The following MUC12 variants were observed in gnomAD, a reference collection of about 807,000 sequenced individuals.
MUC12 encodes the protein mucin-12.
A neutral mutation model predicts 230.8 loss-of-function variants in MUC12; 172 were observed. That is an observed-to-expected ratio of 0.75 (90% CI 0.66 to 0.85). MUC12 has a LOEUF of 0.85. MUC12 is among the 40% of genes least tolerant of loss of function. MUC12 has a pLI of 0.00. For synonymous variants in MUC12, 1,259 were observed against 2,401.9 expected (o/e 0.52, Z 13.91); for missense variants, 3,506 against 5,920.6 (o/e 0.59, Z 13.38).
At chr7:100,981,257 C>T (rs1309277798) in intron 1 of MUC12, 4 of 418,114 alleles carry the variant, frequency 9.6e-6, no homozygotes, top group Non-Finnish European at 1.7e-5. Context: ...TGGAGAAGGA[C>T]CGCCGCACTT....
At chr7:101,014,208 C>A in intron 9 of MUC12, 134 bp downstream of exon 9, 1 of 998,420 alleles carries the variant, frequency 1.0e-6, no homozygotes. Flanking sequence ...AGATGGGGTG[C>A]CCAGACCCTC....
chr7:101,004,869 T>G lies in MUC12; in HGVS notation c.14306T>G (p.Leu4769Trp). ...SSSISGEPTS[L>W]YSQAESTHTT... ...AGCATCAGTGGAGAACCCACCAGCT[T>G]GTATAGCCAAGCAGAGTCAACACAC... The change falls in exon 2 of 12, where the codon TTG becomes TGG. Residue 4769 changes from leucine (L) to tryptophan (W), a missense_variant. Transcript: ENST00000536621. 3 of 1,536,968 alleles carry G rather than the reference T, an allele frequency of 2.0e-6. No homozygotes were observed. Among genetic ancestry groups the G allele is most frequent in the Non-Finnish European group, 2.6e-6 (3 of 1,146,496 alleles).
intron 1 of MUC12, among the ~76,000 whole-genome samples, chr7:100,984,235 G>C (rs566885512): frequency 5.3e-5 from 8 of 151,776 alleles, no homozygotes; most frequent in African/African-American, 1.9e-4. Context: ...GGTGAGATCA[G>C]CATCAGTTTG....
intron 1 of MUC12, among the ~76,000 whole-genome samples, chr7:100,975,352 G>A (rs1793009221): frequency 6.6e-6 from 1 of 152,312 alleles, no homozygotes; most frequent in South Asian, 2.1e-4. Flanking sequence ...TTAGAAAGGT[G>A]AAGCTGGGGG....
chr7:101,017,653 C>T lies in MUC12; in HGVS notation c.15956C>T (p.Ser5319Phe), dbSNP rs1388990416. 1.0e-5 allele frequency: 16 copies of T among 1,535,834 alleles called. No individual in the cohort carries two copies. Among genetic ancestry groups the T allele is most frequent in the African/African-American group, 1.4e-5 (1 of 72,900 alleles). Residue 5319 changes from serine (S) to phenylalanine (F), a missense_variant, in exon 11 of 12, where the codon TCT becomes TTT. By Grantham distance (155) the Ser-to-Phe change is radical (BLOSUM62 -2). Transcript: ENST00000536621. ...NFRPTLETVD[S>F]GTELHIQRPE... ...CGGCCCACCCTGGAGACTGTTGACT[C>T]TGGCACAGAGGTGACTCAGCTGCGA...
At position 101,004,587 on chromosome 7, in the gene MUC12, C is replaced by T. The variant is rs182901741; in HGVS notation, c.14024C>T (p.Thr4675Ile). Residue 4675 changes from threonine to isoleucine, a missense_variant, in exon 2 of 12, where the codon ACA becomes ATA. Thr to Ile is a moderately conservative substitution (Grantham distance 89). Coordinates refer to ENST00000536621, the MANE Select transcript of MUC12 (RefSeq NM_001164462.2). ...IATTHFPESS[T>I]TSGRSEESTA... is the part of the protein sequence containing the mutation. ...ACAACACACTTTCCTGAGAGCTCCA[C>T]AACCTCCGGCCGTAGTGAGGAATCA... 41 of 1,537,512 alleles carry T rather than the reference C, an allele frequency of 2.7e-5. No homozygotes were observed. In the African/African-American group the frequency reaches 5.1e-4, roughly 19 times the overall value.
chr7:100,981,591 G>C (rs771671974), intron 1 of MUC12: 17 of 441,204 alleles, frequency 3.9e-5, no homozygotes, highest in Non-Finnish European at 3.6e-5. Flanking sequence ...CGGTCACTTA[G>C]AGCTCAAGCT....
At chr7:100,982,713 G>C (rs1461283557) in intron 1 of MUC12, among the ~76,000 whole-genome samples, 1 of 152,038 alleles carries the variant, frequency 6.6e-6, no homozygotes, top group African/African-American at 2.4e-5. Flanking sequence ...ACAGGCATGA[G>C]CTGCCACATC....
chr7:101,006,801 G>A (rs1431870524), intron 3 of MUC12, among the ~76,000 whole-genome samples: 1 of 151,786 alleles, frequency 6.6e-6, no homozygotes, highest in South Asian at 2.1e-4. Flanking sequence ...AATTTTTAGG[G>A]GTACATAGTA....
At chr7:101,009,673 A>C (rs559428592) in intron 5 of MUC12, among the ~76,000 whole-genome samples, 3 of 152,324 alleles carry the variant, frequency 2.0e-5, no homozygotes, top group African/African-American at 7.2e-5. Context: ...TCTCTACAAA[A>C]AGAAAAAAAA....
At position 100,995,443 on chromosome 7, in the gene MUC12, C is replaced by A. The variant is rs1409352665; in HGVS notation, c.4880C>A (p.Ser1627Tyr). 3 of 1,533,010 alleles carry A rather than the reference C, an allele frequency of 2.0e-6. No individual in the cohort carries two copies. The Admixed American group carries it at 5.9e-5, about 30-fold the overall frequency. 95.0% of individuals were successfully genotyped at this position (1,533,010 alleles called of 1,614,324 possible). ...TCCCCTGGCAGTACCACAGCATCATCCCTTGGTCCAGAATCTACTACTTTC... is the reference window on the plus strand; with the variant it reads ...TCCCCTGGCAGTACCACAGCATCATACCTTGGTCCAGAATCTACTACTTTC... ...TLSPGSTTAS[S>Y]LGPESTTFHS... Residue 1627 changes from serine (S) to tyrosine (Y), a missense_variant, in exon 2 of 12, where the codon TCC becomes TAC. Ser to Tyr is a moderately radical substitution (Grantham distance 144). Transcript: ENST00000536621.
chr7:100,990,759 A>C lies in MUC12; in HGVS notation c.196A>C (p.Lys66Gln), dbSNP rs1793269380. 1 of 1,537,878 alleles carries C rather than the reference A, an allele frequency of 6.5e-7. No homozygotes were observed. The highest frequency in any genetic ancestry group is 1.7e-4 in the Middle Eastern group (1 of 5,996). Residue 66 changes from lysine (K) to glutamine (Q), a missense_variant, in exon 2 of 12, where the codon AAA becomes CAA. Transcript: ENST00000536621. ...ATTTATCACGGGCTCAACTGCAACA[A>C]AACACTTCCTTGACAGCTCCACAAA... is the stretch of plus-strand genomic sequence containing the variant. ...VTFITGSTAT[K>Q]HFLDSSTNSG...
In MUC12 at chr7:100,972,004, C is replaced by T. The variant is rs868286708; in HGVS notation, c.67+2315C>T. ...GTGTGCAAAACAGTCAGAAAAACAT[C>T]TATCTATGGCCAGTGCAGAGAGCAG... On this transcript the variant is annotated intron_variant, in intron 1 of 11. Transcript: ENST00000536621. The T allele has an allele frequency of 2.5e-3, 1,745 of 692,820 alleles. No individual in the cohort carries two copies. In the African/African-American group the frequency reaches 0.027, roughly 11 times the overall value. 42.9% of individuals were successfully genotyped at this position (692,820 alleles called of 1,614,324 possible).
chr7:100,971,809 G>T (rs1792905283), intron 1 of MUC12, among the ~76,000 whole-genome samples: 1 of 152,310 alleles, frequency 6.6e-6, no homozygotes, highest in Non-Finnish European at 1.5e-5. Flanking sequence ...ATTATTCAAG[G>T]AGAGGGTGAT....
rs991361457 is a variant in MUC12 at position 101,005,262 on chromosome 7, A to C, written c.14699A>C (p.Asp4900Ala). ...TVLPATLTTTDIGQESTAFHS... is the reference protein window; with the variant it reads ...TVLPATLTTTAIGQESTAFHS... The stretch of plus-strand genomic sequence containing the variant: ...TTACCTGCCACCCTCACAACCACAG[A>C]CATTGGTCAGGAATCAACAGCCTTC... Residue 4900 changes from aspartate to alanine, a missense_variant, in exon 2 of 12, where the codon GAC becomes GCC. Physicochemically the swap from Asp to Ala is moderately radical, Grantham distance 126. Transcript: ENST00000536621. 2 of 1,537,694 alleles carry C rather than the reference A, an allele frequency of 1.3e-6. No individual in the cohort carries two copies. Among genetic ancestry groups the C allele is most frequent in the Non-Finnish European group, 1.7e-6 (2 of 1,147,038 alleles).
intron 1 of MUC12, among the ~76,000 whole-genome samples, chr7:100,987,622 C>T (rs1197207922): frequency 6.6e-6 from 1 of 152,200 alleles, no homozygotes; most frequent in Non-Finnish European, 1.5e-5. Flanking sequence ...ATGGCTTGGA[C>T]CATCCCCTTG....
Position 100,993,880 on chromosome 7 carries a change from G to T in MUC12, c.3317G>T (p.Ser1106Ile). 6.7e-7 allele frequency: 1 copy of T among 1,482,608 alleles called. No homozygotes were observed. The highest frequency in any genetic ancestry group is 2.6e-5 in the East Asian group (1 of 38,302). 91.8% of individuals were successfully genotyped at this position (1,482,608 alleles called of 1,614,324 possible). Residue 1106 changes from serine to isoleucine, a missense_variant, in exon 2 of 12, where the codon AGC becomes ATC. Transcript: ENST00000536621. ...AGTGAGGCATCTACCACCTTCTACA[G>T]CAGCCCCAGATCACCAACCACAACA... The part of the protein sequence containing the change: ...GLSEASTTFY[S>I]SPRSPTTTLS...
At chr7:100,980,568 A>T (rs11765099) in intron 1 of MUC12, among the ~76,000 whole-genome samples, 1 of 151,856 alleles carries the variant, frequency 6.6e-6, no homozygotes, top group African/African-American at 2.4e-5. Context: ...TTCTTGTATA[A>T]ATTTTATTTT....
chr7:100,969,676 T>TGCC lies in MUC12; in HGVS notation c.54_55insGCC (p.Thr18_Thr19insAla). On this transcript the variant is annotated inframe_insertion, in exon 1 of 12. Coordinates refer to ENST00000536621, the MANE Select transcript of MUC12 (RefSeq NM_001164462.2). ...CTCTCCGGCTCTGCGCGTCCGTTACTACAGTGACACCAGGTGAGTGCTCCT... is the reference window on the plus strand; with the variant it reads ...CTCTCCGGCTCTGCGCGTCCGTTACTGCCACAGTGACACCAGGTGAGTGCTCCT... 6.5e-7 allele frequency: 1 copy of TGCC among 1,537,440 alleles called. No homozygotes were observed. The highest frequency in any genetic ancestry group is 1.4e-5 in the African/African-American group (1 of 73,204).
Sources: allele counts gnomAD v4.1 joint callset (sites outside exome capture counted in the v4.1 genomes callset), GRCh38; gene constraint gnomAD v4.1.1; transcripts MANE v1.5; gene names NCBI Gene and HGNC (gene_info 2026-07-23, HGNC 2026-07-21).